LRRC37A2: variants seen among roughly 807,000 people sequenced by gnomAD.
LRRC37A2 encodes leucine rich repeat containing 37 member A2, also known as leucine-rich repeat-containing protein 37A2.
In LRRC37A2, 9 loss-of-function variants were observed where a neutral mutation model predicts 68.8. The ratio of observed to expected loss-of-function variants is 0.13; its 90% CI spans 0.08 to 0.23. The LOEUF is 0.23. LRRC37A2 is among the 10% of genes least tolerant of loss of function. The probability of loss-of-function intolerance (pLI) is 1.00; values close to 1 mark genes in which losing one functional copy is unlikely to be tolerated. For synonymous variants in LRRC37A2, 63 were observed against 367.6 expected (o/e 0.17, Z 9.48); for missense variants, 168 against 950.4 (o/e 0.18, Z 10.82).
the LRRC37A2 span, among the ~76,000 whole-genome samples, chr17:46,807,408 G>A: frequency 6.6e-6 from 1 of 152,190 alleles, no homozygotes; most frequent in African/African-American, 2.4e-5. Context: ...CTTGAACCCG[G>A]GAGGCGGAGG....
the LRRC37A2 span, among the ~76,000 whole-genome samples, chr17:47,023,658 G>A: frequency 1.9e-4 from 29 of 152,106 alleles, no homozygotes; most frequent in Admixed American, 1.4e-3. Flanking sequence ...GCAATGGTGC[G>A]ATCTTGGCTC....
At chr17:46,857,850 A>G in the LRRC37A2 span, among the ~76,000 whole-genome samples, 1 of 152,230 alleles carries the variant, frequency 6.6e-6, no homozygotes, top group South Asian at 2.1e-4. Flanking sequence ...CCATGTGTAT[A>G]TTGGTCATTT....
the LRRC37A2 span, among the ~76,000 whole-genome samples, chr17:47,014,064 G>A: frequency 0.016 from 2,428 of 152,004 alleles, 46 homozygotes; most frequent in African/African-American, 0.056. Flanking sequence ...TTGCACTCCA[G>A]CCTGGGCAAC....
chr17:46,807,380 G>A, the LRRC37A2 span, among the ~76,000 whole-genome samples: 1 of 152,214 alleles, frequency 6.6e-6, no homozygotes, highest in Non-Finnish European at 1.5e-5. Context: ...TACTTGGGAG[G>A]CTGAGGCAGG....
chr17:46,908,081 A>G, the LRRC37A2 span, among the ~76,000 whole-genome samples: 1 of 151,916 alleles, frequency 6.6e-6, no homozygotes, highest in Admixed American at 6.6e-5. Flanking sequence ...CAGGAGGCTA[A>G]GGTTTGGAGG....
At chr17:46,831,329 C>G in the LRRC37A2 span, 1 of 152,284 alleles carries the variant, frequency 6.6e-6, no homozygotes, top group Non-Finnish European at 1.5e-5. Flanking sequence ...GAGATTACCC[C>G]CAGCATCTGC....
At chr17:47,040,366 T>C in the LRRC37A2 span, among the ~76,000 whole-genome samples, 6 of 151,760 alleles carry the variant, frequency 4.0e-5, no homozygotes, top group African/African-American at 1.4e-4. Context: ...ACCAAGTGTT[T>C]GGGCCATACT....
At chr17:46,749,652 G>A in the LRRC37A2 span, 5 of 867,548 alleles carry the variant, frequency 5.8e-6, no homozygotes, top group South Asian at 2.4e-5. Flanking sequence ...CTTCTGTTTT[G>A]CCTAATCATT....
the LRRC37A2 span, among the ~76,000 whole-genome samples, chr17:46,489,473 T>TTTTGTTTGTTTG: frequency 7.0e-6 from 1 of 143,404 alleles, no homozygotes; most frequent in East Asian, 2.1e-4. Context: ...CTTGTTTGTT[T>TTTTGTTTGTTTG]TTTGTTTGTT....
chr17:47,020,148 T>C, the LRRC37A2 span, among the ~76,000 whole-genome samples: 1 of 150,740 alleles, frequency 6.6e-6, no homozygotes, highest in Non-Finnish European at 1.5e-5. Flanking sequence ...TGGTTAAGAG[T>C]TGATTCCAGA....
chr17:46,836,095 C>CGTGTGTGTGTGTGTGTGTGTGTGT, the LRRC37A2 span, among the ~76,000 whole-genome samples: 390 of 126,492 alleles, frequency 3.1e-3, 9 homozygotes, highest in East Asian at 0.015. Flanking sequence ...GAGACGCTGA[C>CGTGTGTGTGTGTGTGTGTGTGTGT]GTGTGTGTGT....
At chr17:46,718,251 G>A in the LRRC37A2 span, among the ~76,000 whole-genome samples, 2 of 152,096 alleles carry the variant, frequency 1.3e-5, no homozygotes, top group African/African-American at 4.8e-5. Flanking sequence ...TGCATTTCTT[G>A]TCATGCCACA....
At chr17:46,542,526 G>GATATATATATAT (rs879872588) in intron 8 of LRRC37A2, among the ~76,000 whole-genome samples, 9 of 145,852 alleles carry the variant, frequency 6.2e-5, no homozygotes, top group Non-Finnish European at 1.2e-4. Context: ...TATATATATA[G>GATATATATATAT]ATATAGATAT....
the LRRC37A2 span, among the ~76,000 whole-genome samples, chr17:46,942,876 C>T: frequency 1.3e-5 from 2 of 152,192 alleles, no homozygotes; most frequent in African/African-American, 2.4e-5. Context: ...GCTGGGCCCC[C>T]AAGTGCTGTT....
the LRRC37A2 span, among the ~76,000 whole-genome samples, chr17:47,022,511 T>C: frequency 1.3e-5 from 2 of 151,990 alleles, no homozygotes; most frequent in African/African-American, 2.4e-5. Flanking sequence ...ATAACAGATA[T>C]AACAAAAACT....
the LRRC37A2 span, chr17:46,749,889 G>GC: frequency 6.2e-7 from 1 of 1,613,920 alleles, no homozygotes; most frequent in East Asian, 2.2e-5. Flanking sequence ...CAGGAGAGCA[G>GC]CTGTTGGAAG....
At chr17:46,771,542 G>A in the LRRC37A2 span, among the ~76,000 whole-genome samples, 1 of 148,848 alleles carries the variant, frequency 6.7e-6, no homozygotes, top group African/African-American at 2.4e-5. Flanking sequence ...GGCGCTGACA[G>A]CCCCGCTGTG....
the LRRC37A2 span, among the ~76,000 whole-genome samples, chr17:46,681,554 C>T: frequency 3.5e-5 from 5 of 143,494 alleles, 1 homozygote; most frequent in Non-Finnish European, 7.4e-5. Context: ...AATATAACAT[C>T]TCGTCTTCAA....
the LRRC37A2 span, among the ~76,000 whole-genome samples, chr17:46,826,200 T>C: frequency 6.1e-3 from 931 of 152,348 alleles, 1 homozygote; most frequent in Non-Finnish European, 0.01. Flanking sequence ...CTTCCAGAAC[T>C]CTGCCAACTA....
Sources: gnomAD v4.1 joint callset for allele counts (sites outside exome capture counted in the v4.1 genomes callset) on GRCh38, gnomAD v4.1.1 for gene constraint, MANE v1.5 for transcripts, NCBI Gene and HGNC (gene_info 2026-07-23, HGNC 2026-07-21) for gene names.